Variants in PRKCE observed in about 807,000 individuals in gnomAD.
The protein encoded by PRKCE is protein kinase C epsilon type.
Under a neutral mutation model 85.4 loss-of-function variants are expected in PRKCE, and 16 were observed. That is an observed-to-expected ratio of 0.19 (90% CI 0.13 to 0.28). The LOEUF (loss-of-function observed/expected upper bound fraction) is 0.28. Among genes scored for constraint, PRKCE ranks in the 10% least tolerant of loss-of-function variants. PRKCE has a pLI of 1.00. For synonymous variants in PRKCE, 388 were observed against 371.5 expected, an observed-to-expected ratio of 1.04 and a Z score of -0.51; for missense variants, 573 against 975.2, an observed-to-expected ratio of 0.59 and a Z score of 5.49.
rs118015622 is a variant in PRKCE at position 45,740,717 on chromosome 2, A to G, written c.348+88269A>G. 6.9e-4 allele frequency among the ~76,000 whole-genome samples: 105 copies of G among 152,088 alleles called. 1 individual carries two copies. The East Asian group carries it at 0.02, about 28-fold the overall frequency. ...TACAATCTGAGCATTTTCCTTTTTCATTCATGTCTGGTTATTCACTTCGAA... is the reference window on the plus strand; with the variant it reads ...TACAATCTGAGCATTTTCCTTTTTCGTTCATGTCTGGTTATTCACTTCGAA... On this transcript the variant is annotated intron_variant, in intron 1 of 14. Coordinates refer to ENST00000306156, the MANE Select transcript of PRKCE (RefSeq NM_005400.3).
intron 2 of PRKCE, among the ~76,000 whole-genome samples, chr2:45,903,867 C>G (rs56145937): frequency 0.2 from 29,714 of 147,864 alleles, 3,620 homozygotes; most frequent in South Asian, 0.32. Context: ...TATATGAGAG[C>G]TTGTAGCCTG....
At chr2:46,095,494 T>C (rs4953308) in intron 11 of PRKCE, among the ~76,000 whole-genome samples, 3,653 of 152,332 alleles carry the variant, frequency 0.024, 98 homozygotes, top group East Asian at 0.11. Context: ...AAAGAGAATC[T>C]GGATTTATAA....
chr2:45,660,092 T>C (rs141094461), intron 1 of PRKCE, among the ~76,000 whole-genome samples: 3,225 of 152,294 alleles, frequency 0.021, 61 homozygotes, highest in Middle Eastern at 0.037. Context: ...ACAAAACAAG[T>C]GTGTATTTCT....
intron 2 of PRKCE, among the ~76,000 whole-genome samples, chr2:45,873,479 A>G (rs1694252068): frequency 6.6e-6 from 1 of 152,060 alleles, no homozygotes; most frequent in Non-Finnish European, 1.5e-5. Context: ...AAAAAAAACA[A>G]AAAAACCTGA....
At chr2:45,796,142 G>A (rs758641426) in intron 1 of PRKCE, among the ~76,000 whole-genome samples, 8 of 152,058 alleles carry the variant, frequency 5.3e-5, no homozygotes, top group Non-Finnish European at 1.0e-4. Context: ...CTAATTCTTT[G>A]ATGTCTTCTC....
intron 1 of PRKCE, among the ~76,000 whole-genome samples, chr2:45,779,646 TC>T (rs1447329163): frequency 2.0e-5 from 3 of 151,446 alleles, no homozygotes; most frequent in African/African-American, 7.3e-5. Flanking sequence ...AGGCCTATTC[TC>T]CCCCAGAAAA....
intron 2 of PRKCE, among the ~76,000 whole-genome samples, chr2:45,846,787 C>A (rs1382291376): frequency 1.3e-5 from 2 of 152,176 alleles, no homozygotes; most frequent in South Asian, 2.1e-4. Context: ...TCACCCACAA[C>A]ACAGGGATAA....
intron 2 of PRKCE, among the ~76,000 whole-genome samples, chr2:45,887,953 C>T (rs972341107): frequency 5.3e-5 from 8 of 152,182 alleles, no homozygotes; most frequent in Non-Finnish European, 1.5e-5. Flanking sequence ...CATCCTCTGC[C>T]CACATAGGAG....
chr2:46,173,778 A>G (rs186634533), intron 14 of PRKCE, among the ~76,000 whole-genome samples: 1 of 152,244 alleles, frequency 6.6e-6, no homozygotes, highest in Admixed American at 6.5e-5. Context: ...TATAGACCCC[A>G]GCTAATTCCC....
intron 1 of PRKCE, among the ~76,000 whole-genome samples, chr2:45,820,049 A>C (rs1176636531): frequency 6.6e-6 from 1 of 152,164 alleles, no homozygotes; most frequent in Non-Finnish European, 1.5e-5. Context: ...GACTGAGATG[A>C]GCTCAGAGCA....
At chr2:45,909,326 C>A (rs1029911221) in intron 2 of PRKCE, among the ~76,000 whole-genome samples, 1 of 152,110 alleles carries the variant, frequency 6.6e-6, no homozygotes, top group Non-Finnish European at 1.5e-5. Flanking sequence ...GTGGTAGGCA[C>A]CAGAAGGGGG....
At chr2:46,098,490 T>C (rs1304750515) in intron 11 of PRKCE, among the ~76,000 whole-genome samples, 2 of 152,212 alleles carry the variant, frequency 1.3e-5, no homozygotes, top group African/African-American at 2.4e-5. Context: ...AAGATTCACT[T>C]TGTCCATCTC....
At position 46,138,959 on chromosome 2, in the gene PRKCE, G is replaced by A. The variant is rs147840527; in HGVS notation, c.1593-6134G>A. ...CTTCCTATAGCCCACATCCCAGTTG[G>A]CTCTTGGCACTGGGGGAGGAAGTGG... On this transcript the variant is annotated intron_variant, in intron 11 of 14. Transcript: ENST00000306156. The surrounding 1 kb of genome is among the most constrained non-coding windows in gnomAD (Gnocchi z 4.2). 6.6e-6 allele frequency among the ~76,000 whole-genome samples: 1 copy of A among 152,284 alleles called. No homozygotes were observed. The highest frequency in any genetic ancestry group is 1.9e-4 in the East Asian group (1 of 5,180).
chr2:45,740,327 G>T (rs949737083), intron 1 of PRKCE, among the ~76,000 whole-genome samples: 1 of 152,132 alleles, frequency 6.6e-6, no homozygotes, highest in Non-Finnish European at 1.5e-5. Context: ...GATGGAGGCA[G>T]AGGGCTTAGG....
chr2:45,777,255 A>G (rs1297888217), intron 1 of PRKCE, among the ~76,000 whole-genome samples: 1 of 152,154 alleles, frequency 6.6e-6, no homozygotes, highest in Non-Finnish European at 1.5e-5. Flanking sequence ...GGTAAGTTTG[A>G]GATGGGTGTT....
intron 2 of PRKCE, among the ~76,000 whole-genome samples, chr2:45,869,987 A>C (rs1294185397): frequency 6.6e-6 from 1 of 152,034 alleles, no homozygotes; most frequent in Admixed American, 6.5e-5. Flanking sequence ...ATTACAGGCA[A>C]GAGCCACTGC....
intron 2 of PRKCE, among the ~76,000 whole-genome samples, chr2:45,887,312 C>T (rs1695375312): frequency 6.6e-6 from 1 of 152,182 alleles, no homozygotes; most frequent in African/African-American, 2.4e-5. Flanking sequence ...AATTCCACAG[C>T]CATCAAGATG....
At chr2:45,744,493 TTC>T in intron 1 of PRKCE, among the ~76,000 whole-genome samples, 3 of 55,676 alleles carry the variant, frequency 5.4e-5, no homozygotes, top group African/African-American at 2.8e-4. Flanking sequence ...TTCTTTTTCT[TTC>T]TTTCTTTTCT....
intron 2 of PRKCE, among the ~76,000 whole-genome samples, chr2:45,930,782 AG>A (rs1698986707): frequency 6.6e-6 from 1 of 152,252 alleles, no homozygotes; most frequent in African/African-American, 2.4e-5. Context: ...CTTGATGTGC[AG>A]TCCCCCTAAG....
Sources: allele counts gnomAD v4.1 joint callset (sites outside exome capture counted in the v4.1 genomes callset), GRCh38; gene constraint gnomAD v4.1.1; non-coding constraint Gnocchi (gnomAD v3.1); transcripts MANE v1.5; gene names NCBI Gene and HGNC (gene_info 2026-07-23, HGNC 2026-07-21).